Variants in LARGE1 observed in about 807,000 individuals in gnomAD.
LARGE1 encodes the protein LARGE xylosyl- and glucuronyltransferase 1, also known as xylosyl- and glucuronyltransferase LARGE1.
A neutral mutation model predicts 87.6 loss-of-function variants in LARGE1; 43 were observed. The observed-to-expected ratio is 0.49, with a 90% confidence interval of 0.38 to 0.63. The LOEUF (loss-of-function observed/expected upper bound fraction) is 0.63, where lower values mean the gene tolerates loss of function less well. Among genes scored for constraint, LARGE1 ranks in the 30% least tolerant of loss-of-function variants. The probability of loss-of-function intolerance (pLI) is 0.00; values close to 1 mark genes in which losing one functional copy is unlikely to be tolerated. For synonymous variants in LARGE1, 434 were observed against 394.6 expected (o/e 1.10, Z -1.18); for missense variants, 802 against 1,000.2 (o/e 0.80, Z 2.67).
chr22:33,501,780 C>T (rs978681221), intron 6 of LARGE1, among the ~76,000 whole-genome samples: 2 of 152,154 alleles, frequency 1.3e-5, no homozygotes, highest in African/African-American at 2.4e-5. Context: ...TGATTTTCAA[C>T]GGCTTATAGT....
At chr22:33,425,546 G>C (rs1167675368) in intron 7 of LARGE1, among the ~76,000 whole-genome samples, 1 of 152,156 alleles carries the variant, frequency 6.6e-6, no homozygotes, top group Non-Finnish European at 1.5e-5. Context: ...CAGTACAAAA[G>C]AAAGTAGGGA....
chr22:33,667,605 A>G (rs2081304145), intron 2 of LARGE1, among the ~76,000 whole-genome samples: 1 of 152,240 alleles, frequency 6.6e-6, no homozygotes, highest in African/African-American at 2.4e-5. Context: ...ACAGAAGCAG[A>G]CAACAGGATT....
In LARGE1 at chr22:33,573,393, C is replaced by T. The variant is rs542306444; in HGVS notation, c.616-8374G>A. ...GGTGGGGGTTGCAGTGAGCCGAGATCGAGCCACTGCACTCCAGCCTGGGCA... is the reference window on the plus strand; with the variant it reads ...GGTGGGGGTTGCAGTGAGCCGAGATTGAGCCACTGCACTCCAGCCTGGGCA... On this transcript the variant is annotated intron_variant, in intron 5 of 14. Coordinates refer to ENST00000397394, the MANE Select transcript of LARGE1 (RefSeq NM_133642.5). Among the ~76,000 whole-genome samples the T allele has an allele frequency of 3.9e-5, 6 of 152,184 alleles. No individual in the cohort carries two copies. In the South Asian group the frequency reaches 1.0e-3, roughly 26 times the overall value.
intron 4 of LARGE1, among the ~76,000 whole-genome samples, chr22:33,617,947 C>G (rs1204260904): frequency 6.6e-6 from 1 of 152,200 alleles, no homozygotes; most frequent in African/African-American, 2.4e-5. Context: ...CTTATTTTGT[C>G]AGGAATGTGC....
intron 6 of LARGE1, among the ~76,000 whole-genome samples, chr22:33,472,671 A>T (rs1469219160): frequency 1.3e-5 from 2 of 152,198 alleles, no homozygotes; most frequent in Admixed American, 1.3e-4. Flanking sequence ...AAAAGACGTC[A>T]ATAAGCAGCT....
chr22:33,771,345 G>T (rs978064561), intron 1 of LARGE1, among the ~76,000 whole-genome samples: 1 of 151,942 alleles, frequency 6.6e-6, no homozygotes, highest in Non-Finnish European at 1.5e-5. Flanking sequence ...GCTCTTCACA[G>T]CTTTATGTGT....
chr22:33,584,016 T>C (rs1291075835), intron 5 of LARGE1, among the ~76,000 whole-genome samples: 9 of 152,204 alleles, frequency 5.9e-5, no homozygotes, highest in Admixed American at 3.3e-4. Flanking sequence ...TAGTTTGAGA[T>C]CTGGTTTATT....
chr22:33,095,464 C>G, the LARGE1 span, among the ~76,000 whole-genome samples: 1 of 152,164 alleles, frequency 6.6e-6, no homozygotes. Context: ...AATATGATTT[C>G]ATTTTAACTT....
chr22:33,659,619 A>G (rs1013258204), intron 2 of LARGE1, among the ~76,000 whole-genome samples: 5 of 152,116 alleles, frequency 3.3e-5, no homozygotes, highest in Admixed American at 6.5e-5. Context: ...TGAGGTACAC[A>G]GGGAATGTTT....
At chr22:33,921,660 C>G (rs1298429450), upstream of LARGE1, among the ~76,000 whole-genome samples, 1 of 152,082 alleles carries the variant, frequency 6.6e-6, no homozygotes, top group African/African-American at 2.4e-5. This position sits in a 1 kb window ranked among gnomAD's most constrained non-coding sequence, Gnocchi z 4.1. Flanking sequence ...TCTTTTTCCT[C>G]CACCCCAAAC....
At chr22:33,705,429 C>T (rs569335011) in intron 2 of LARGE1, among the ~76,000 whole-genome samples, 57 of 152,294 alleles carry the variant, frequency 3.7e-4, no homozygotes, top group Admixed American at 1.0e-3. Context: ...CCAGGAAGAG[C>T]GATGTTGATC....
intron 1 of LARGE1, among the ~76,000 whole-genome samples, chr22:33,790,593 T>A (rs945128110): frequency 1.3e-5 from 2 of 152,236 alleles, no homozygotes; most frequent in Admixed American, 6.5e-5. Context: ...TTCCTTGAGG[T>A]ATTTATAACT....
At chr22:33,717,630 G>T (rs2082951942) in intron 2 of LARGE1, among the ~76,000 whole-genome samples, 1 of 152,178 alleles carries the variant, frequency 6.6e-6, no homozygotes, top group Non-Finnish European at 1.5e-5. Flanking sequence ...AGTTATCTGA[G>T]AAGGCTCTTG....
intron 2 of LARGE1, among the ~76,000 whole-genome samples, chr22:33,719,745 T>A (rs954725883): frequency 2.0e-5 from 3 of 152,036 alleles, no homozygotes; most frequent in African/African-American, 7.3e-5. Context: ...TGGTCCTGAT[T>A]TCCTGACCTC....
intron 2 of LARGE1, among the ~76,000 whole-genome samples, chr22:33,663,756 G>C (rs748018815): frequency 6.6e-6 from 1 of 152,180 alleles, no homozygotes; most frequent in Non-Finnish European, 1.5e-5. Context: ...AGAGTCCTCA[G>C]TGGACCAACG....
At chr22:33,601,499 TAGAC>T (rs1393372126) in intron 5 of LARGE1, among the ~76,000 whole-genome samples, 2 of 152,136 alleles carry the variant, frequency 1.3e-5, no homozygotes, top group Non-Finnish European at 2.9e-5. Flanking sequence ...AACTAAAACA[TAGAC>T]AGACTAATAG....
At chr22:33,418,062 C>T (rs548656115) in intron 7 of LARGE1, among the ~76,000 whole-genome samples, 13 of 152,306 alleles carry the variant, frequency 8.5e-5, no homozygotes, top group African/African-American at 2.9e-4. Flanking sequence ...ATTCTCCTGC[C>T]TCAGCCTCTC....
chr22:33,795,212 G>A (rs1212503786), intron 1 of LARGE1, among the ~76,000 whole-genome samples: 1 of 152,224 alleles, frequency 6.6e-6, no homozygotes, highest in Non-Finnish European at 1.5e-5. Context: ...ACAGTAACAA[G>A]TTGTAGGGCT....
intron 11 of LARGE1, among the ~76,000 whole-genome samples, chr22:33,172,780 G>A (rs1407354621): frequency 6.6e-6 from 1 of 152,060 alleles, no homozygotes; most frequent in African/African-American, 2.4e-5. Flanking sequence ...TCAACATAAT[G>A]AAATAAAGTG....
Sources: allele counts gnomAD v4.1 joint callset (sites outside exome capture counted in the v4.1 genomes callset), GRCh38; gene constraint gnomAD v4.1.1; non-coding constraint Gnocchi (gnomAD v3.1); transcripts MANE v1.5; gene names NCBI Gene and HGNC (gene_info 2026-07-23, HGNC 2026-07-21).